Variants in METAP1D observed in about 807,000 individuals in gnomAD.
METAP1D encodes the protein methionine aminopeptidase 1D, mitochondrial.
A neutral mutation model predicts 40.5 loss-of-function variants in METAP1D; 31 were observed. The ratio of observed to expected loss-of-function variants is 0.77; its 90% CI spans 0.58 to 1.03. The LOEUF (loss-of-function observed/expected upper bound fraction) is 1.03. METAP1D is among the 50% of genes least tolerant of loss of function. The probability of loss-of-function intolerance (pLI) is 0.00; values close to 1 mark genes in which losing one functional copy is unlikely to be tolerated. For synonymous variants in METAP1D, 151 were observed against 146.4 expected (o/e 1.03, Z -0.22); for missense variants, 411 against 420.7 (o/e 0.98, Z 0.20).
In METAP1D at chr2:172,063,711, C is replaced by G; in HGVS notation, c.199C>G (p.His67Asp). Residue 67 changes from histidine to aspartate, a missense_variant and splice_region_variant, in exon 3 of 10, where the codon CAC becomes GAC. Coordinates refer to ENST00000315796, the MANE Select transcript of METAP1D (RefSeq NM_199227.3). ...TCGTTTTCAATCCTTTTTCCTCAAGCACATAAAGAAGCCAGACTATGTGAC... is the reference window on the plus strand; with the variant it reads ...TCGTTTTCAATCCTTTTTCCTCAAGGACATAAAGAAGCCAGACTATGTGAC... The part of the protein sequence containing the change: ...AVSSAHPVPK[H>D]IKKPDYVTTG... 6.2e-7 allele frequency: 1 copy of G among 1,611,124 alleles called. No homozygotes were observed. Among genetic ancestry groups the G allele is most frequent in the Non-Finnish European group, 8.5e-7 (1 of 1,177,774 alleles).
chr2:172,059,067 G>C (rs1048214871), intron 1 of METAP1D, among the ~76,000 whole-genome samples: 2 of 151,886 alleles, frequency 1.3e-5, no homozygotes, highest in African/African-American at 2.4e-5. Context: ...AGGTCGATAC[G>C]GGGCCCAAGA....
chr2:172,074,615 A>G (rs547775944), intron 6 of METAP1D, among the ~76,000 whole-genome samples: 2 of 152,346 alleles, frequency 1.3e-5, no homozygotes, highest in Admixed American at 6.5e-5. Context: ...AACAAAAAAA[A>G]TCTACTACTT....
intron 6 of METAP1D, among the ~76,000 whole-genome samples, chr2:172,073,688 A>G (rs1690477354): frequency 6.6e-6 from 1 of 152,202 alleles, no homozygotes; most frequent in South Asian, 2.1e-4. Context: ...GTTTCTGGAC[A>G]CCTATTATCT....
rs755023085 is a variant in METAP1D, at chr2:172,065,729, G to A, written c.474G>A (p.Val158=). 8.1e-6 allele frequency: 13 copies of A among 1,613,826 alleles called. No individual in the cohort carries two copies. The highest frequency in any genetic ancestry group is 7.7e-5 in the South Asian group (7 of 91,050). Residue 158 remains valine (V), a synonymous_variant, in exon 4 of 10, where the codon GTG becomes GTA. Transcript: ENST00000315796. ...PKSVCTSVNN[V]LCHGIPDSRP... ...CTGTTTGTACCTCTGTAAACAACGT[G>A]CTCTGTCATGGTATTCCTGACAGGT...
At chr2:172,036,243 G>A (rs1689380243) in intron 1 of METAP1D, among the ~76,000 whole-genome samples, 1 of 150,406 alleles carries the variant, frequency 6.6e-6, no homozygotes, top group Admixed American at 6.6e-5. Context: ...CGTGAACCCG[G>A]GAGGCGGAGC....
intron 1 of METAP1D, among the ~76,000 whole-genome samples, chr2:172,054,500 A>G (rs533967045): frequency 3.9e-4 from 57 of 146,616 alleles, no homozygotes; most frequent in African/African-American, 1.4e-3. Context: ...GCCTGGTGAC[A>G]GAGCAAGAAG....
chr2:172,059,612 TA>T (rs1163562543), intron 1 of METAP1D, among the ~76,000 whole-genome samples: 1 of 152,206 alleles, frequency 6.6e-6, no homozygotes, highest in East Asian at 1.9e-4. Context: ...AATATTGGGT[TA>T]AAAAGTTTTT....
At chr2:172,019,544 CTCTG>C (rs1164105817) in intron 1 of METAP1D, among the ~76,000 whole-genome samples, 1 of 151,618 alleles carries the variant, frequency 6.6e-6, no homozygotes, top group Non-Finnish European at 1.5e-5. Context: ...AGAGAGACCC[CTCTG>C]TCTATTGTAT....
chr2:172,022,328 A>G (rs944580600), intron 1 of METAP1D, among the ~76,000 whole-genome samples: 2 of 152,136 alleles, frequency 1.3e-5, no homozygotes, highest in African/African-American at 4.8e-5. Flanking sequence ...GAGGCTGGTG[A>G]ACATCCCAGC....
intron 1 of METAP1D, among the ~76,000 whole-genome samples, chr2:172,005,213 A>G (rs954429417): frequency 6.6e-6 from 1 of 151,948 alleles, no homozygotes; most frequent in Non-Finnish European, 1.5e-5. Flanking sequence ...TTTTCGTTAC[A>G]TGGATGAATA....
chr2:172,036,946 A>G (rs141589381), intron 1 of METAP1D, among the ~76,000 whole-genome samples: 2,795 of 152,268 alleles, frequency 0.018, 57 homozygotes, highest in Admixed American at 0.068. Context: ...TATTACTTAC[A>G]TGTACTTGTA....
At chr2:172,036,181 G>T (rs1180220021) in intron 1 of METAP1D, among the ~76,000 whole-genome samples, 1 of 151,052 alleles carries the variant, frequency 6.6e-6, no homozygotes, top group Non-Finnish European at 1.5e-5. Flanking sequence ...GCTGGGCGTG[G>T]TGGCGGGTGC....
At chr2:172,030,415 G>A (rs1465302875) in intron 1 of METAP1D, among the ~76,000 whole-genome samples, 1 of 152,116 alleles carries the variant, frequency 6.6e-6, no homozygotes, top group Non-Finnish European at 1.5e-5. Flanking sequence ...TTAAAAAAAT[G>A]TATTGCAGAG....
chr2:172,015,738 T>C (rs1315450870), intron 1 of METAP1D, among the ~76,000 whole-genome samples: 2 of 152,064 alleles, frequency 1.3e-5, no homozygotes, highest in Admixed American at 1.3e-4. Context: ...GATGGGAGGA[T>C]CGCTTAAGGC....
chr2:172,028,393 C>G (rs1447013515), intron 1 of METAP1D, among the ~76,000 whole-genome samples: 1 of 152,162 alleles, frequency 6.6e-6, no homozygotes, highest in South Asian at 2.1e-4. Context: ...GGGGTCAGAC[C>G]ATTGCAGGCC....
intron 8 of METAP1D, among the ~76,000 whole-genome samples, chr2:172,079,560 ATTAT>A (rs1559024314): frequency 1.3e-5 from 2 of 152,070 alleles, no homozygotes; most frequent in African/African-American, 4.8e-5. Flanking sequence ...ACTAGACACG[ATTAT>A]GTCCCTTGCT....
In METAP1D at chr2:172,071,030, A is replaced by C; in HGVS notation, c.664A>C (p.Arg222=). The C allele has an allele frequency of 6.2e-7, 1 of 1,612,890 alleles. No individual in the cohort carries two copies. The highest frequency in any genetic ancestry group is 8.5e-7 in the Non-Finnish European group (1 of 1,179,230). Residue 222 remains arginine, a synonymous_variant, in exon 6 of 10, where the codon AGA becomes CGA. Coordinates refer to ENST00000315796, the MANE Select transcript of METAP1D (RefSeq NM_199227.3). ...TAGAGATGAAGCAATTGCAGCTTGC[A>C]GAGCAGGGGCTCCCTTCTCTGTAAT... ...RCRDEAIAAC[R]AGAPFSVIGN...
intron 1 of METAP1D, among the ~76,000 whole-genome samples, chr2:172,013,390 T>TTCCC (rs1688775712): frequency 6.6e-6 from 1 of 152,154 alleles, no homozygotes; most frequent in African/African-American, 2.4e-5. Flanking sequence ...TTAACAGTTC[T>TTCCC]TCCCTGAACT....
chr2:172,066,169 C>T (rs377236702), intron 4 of METAP1D, 95 bp from the exon 5 acceptor site: 4 of 921,222 alleles, frequency 4.3e-6, no homozygotes, highest in East Asian at 5.2e-5. Flanking sequence ...CACTGCATCC[C>T]ATTGGGTTTG....
Sources: allele counts gnomAD v4.1 joint callset (sites outside exome capture counted in the v4.1 genomes callset), GRCh38; gene constraint gnomAD v4.1.1; transcripts MANE v1.5; gene names NCBI Gene and HGNC (gene_info 2026-07-23, HGNC 2026-07-21).